The following WDR33 variants were observed in gnomAD, a reference collection of about 807,000 sequenced individuals.
WDR33 encodes WD repeat domain 33.
WDR33 carries 47 observed loss-of-function variants against 164.9 expected under a neutral mutation model. That is an observed-to-expected ratio of 0.29 (90% confidence interval 0.23 to 0.36). The LOEUF (loss-of-function observed/expected upper bound fraction) is 0.36, where lower values mean the gene tolerates loss of function less well. WDR33 is among the 10% of genes least tolerant of loss of function. The pLI is 1.00. For missense variants in WDR33, 1,137 were observed against 1,754.1 expected (o/e 0.65, Z 6.28); for synonymous variants, 505 against 589.0 (o/e 0.86, Z 2.06).
In WDR33 at chr2:127,738,123, G is replaced by A. The variant is rs1686908440; in HGVS notation, c.725-11346C>T. 1 of 1,425,422 alleles carries A rather than the reference G, an allele frequency of 7.0e-7. No individual in the cohort carries two copies. Among genetic ancestry groups the A allele is most frequent in the African/African-American group, 1.5e-5 (1 of 67,682 alleles). The allele number at this position is 1,425,422 out of a possible 1,614,324, so 88.3% of individuals were successfully genotyped here. On this transcript the variant is annotated intron_variant, in intron 7 of 21. Coordinates refer to ENST00000322313, the MANE Select transcript of WDR33 (RefSeq NM_018383.5). The surrounding 1 kb of genome is among the most constrained non-coding windows in gnomAD (Gnocchi z 4.4). Reference sequence around the variant, plus strand: ...GGCAGGTATCTATCACATGAGCCCTGGCAGATTGTGTAATTTCCAGATATG... The same window carrying A: ...GGCAGGTATCTATCACATGAGCCCTAGCAGATTGTGTAATTTCCAGATATG...
At chr2:127,780,260 A>G (rs1363267446) in intron 1 of WDR33, among the ~76,000 whole-genome samples, 1 of 152,196 alleles carries the variant, frequency 6.6e-6, no homozygotes, top group African/African-American at 2.4e-5. Flanking sequence ...AAAAGTTTTA[A>G]GATTCCCACC....
intron 1 of WDR33, chr2:127,810,787 T>G (rs1689623143): frequency 1.7e-5 from 2 of 115,452 alleles, no homozygotes; most frequent in African/African-American, 8.3e-5. Flanking sequence ...GGGCCTTAGT[T>G]CTAACCATGG....
intron 18 of WDR33, among the ~76,000 whole-genome samples, chr2:127,711,780 A>ATATATATATATATTTT: frequency 7.9e-5 from 7 of 88,306 alleles, no homozygotes; most frequent in Admixed American, 2.3e-4. Flanking sequence ...ATATATATAT[A>ATATATATATATATTTT]TTTTTTTTTT....
At position 127,724,828 on chromosome 2, in the gene WDR33, C is replaced by CA. The variant is rs1350182589; in HGVS notation, c.1085+58dup. 6.4e-7 allele frequency: 1 copy of CA among 1,555,568 alleles called. No homozygotes were observed. Among genetic ancestry groups the CA allele is most frequent in the Non-Finnish European group, 8.9e-7 (1 of 1,127,058 alleles). ...AAAAGCTACAAAACTATCATGTCTG[C>CA]ACACATTCACGTGCTCTCTTCACAA... On this transcript the variant is annotated intron_variant, in intron 10 of 21. Transcript: ENST00000322313. The surrounding 1 kb of genome is among the most constrained non-coding windows in gnomAD (Gnocchi z 4.8).
intron 7 of WDR33, among the ~76,000 whole-genome samples, chr2:127,757,728 C>T (rs72846264): frequency 0.065 from 9,868 of 152,198 alleles, 442 homozygotes; most frequent in Middle Eastern, 0.16. Flanking sequence ...GGTTTATTAT[C>T]ATAAACTACA....
chr2:127,736,969 G>A (rs1686863554), intron 7 of WDR33: 1 of 985,136 alleles, frequency 1.0e-6, no homozygotes, highest in Non-Finnish European at 1.2e-6. Flanking sequence ...ATAACAATTT[G>A]AAAAGGTACA....
chr2:127,802,665 T>C (rs867844161), intron 1 of WDR33, among the ~76,000 whole-genome samples: 2 of 152,254 alleles, frequency 1.3e-5, no homozygotes, highest in African/African-American at 4.8e-5. Flanking sequence ...TTTTAAACCA[T>C]GTAAATAACG....
In WDR33 at chr2:127,711,780, A is replaced by ATATTTTTTTTTTTTT; in HGVS notation, c.3308+1802_3308+1803insAAAAAAAAAAAAATA. Among the ~76,000 whole-genome samples the ATATTTTTTTTTTTTT allele has an allele frequency of 7.9e-5, 7 of 88,302 alleles. No individual in the cohort carries two copies. In the South Asian group the frequency reaches 2.3e-3, roughly 29 times the overall value. 57.9% of individuals were successfully genotyped at this position (88,302 alleles called of 152,430 possible). A position where few individuals can be genotyped will look rare whatever the true frequency, so the allele number is the denominator to read the frequency against. On this transcript the variant is annotated intron_variant, in intron 18 of 21. Transcript: ENST00000322313. ...TATATATATATATATATATATATAT[A>ATATTTTTTTTTTTTT]TTTTTTTTTTGAGACAGAGTCTCGC...
intron 1 of WDR33, among the ~76,000 whole-genome samples, chr2:127,791,673 C>T (rs1363335139): frequency 6.6e-6 from 1 of 152,080 alleles, no homozygotes; most frequent in African/African-American, 2.4e-5. Flanking sequence ...TAAGGGAATA[C>T]GACTCAATCC....
At position 127,709,670 on chromosome 2, in the gene WDR33, G is replaced by A; in HGVS notation, c.3472+23C>T. 1.2e-6 allele frequency: 2 copies of A among 1,614,156 alleles called. No homozygotes were observed. Among genetic ancestry groups the A allele is most frequent in the Non-Finnish European group, 1.7e-6 (2 of 1,180,012 alleles). On this transcript the variant is annotated intron_variant, in intron 19 of 21. Transcript: ENST00000322313. The surrounding 1 kb of genome is among the most constrained non-coding windows in gnomAD (Gnocchi z 5.0). Reference sequence around the variant, plus strand: ...TTCTGCACCCTATCCTTCCAGACCAGGTGTCTTTAGTAACTCGCTCACCTC... The same window carrying A: ...TTCTGCACCCTATCCTTCCAGACCAAGTGTCTTTAGTAACTCGCTCACCTC...
At position 127,741,280 on chromosome 2, in the gene WDR33, T is replaced by C. The variant is rs1643025771; in HGVS notation, c.725-14503A>G. Among the ~76,000 whole-genome samples the C allele has an allele frequency of 6.6e-6, 1 of 150,870 alleles. No homozygotes were observed. On this transcript the variant is annotated intron_variant, in intron 7 of 21. Transcript: ENST00000322313. This position sits in a 1 kb window ranked among gnomAD's most constrained non-coding sequence, Gnocchi z 4.1. ...GAAATGCCACGGATGACACTGAAAA[T>C]GGAAAGAAGTGGAGGGCAAAGAGAG...
At chr2:127,783,352 A>G (rs929349698) in intron 1 of WDR33, among the ~76,000 whole-genome samples, 1 of 152,214 alleles carries the variant, frequency 6.6e-6, no homozygotes, top group African/African-American at 2.4e-5. Context: ...CAGTATTTCA[A>G]AAGTGTGATA....
chr2:127,775,163 A>G (rs991040025), intron 1 of WDR33, among the ~76,000 whole-genome samples: 2 of 152,154 alleles, frequency 1.3e-5, no homozygotes, highest in African/African-American at 4.8e-5. Context: ...TATCTCAATT[A>G]AAGAATAATG....
rs918863928 is a variant in WDR33 at position 127,701,808 on chromosome 2, G to A, written c.*4515C>T. On this transcript the variant is annotated 3_prime_UTR_variant, in exon 22 of 22. Transcript: ENST00000322313. ...GCTGGCTGCACTGTGTTTCGGCCTA[G>A]CCGCGCTCTACGCACCGGTGTTGCT... The A allele has an allele frequency of 6.2e-6, 9 of 1,456,608 alleles. No individual in the cohort carries two copies. In the African/African-American group the frequency reaches 8.9e-5, roughly 14 times the overall value. The allele number at this position is 1,456,608 out of a possible 1,614,324, so 90.2% of individuals were successfully genotyped here.
At chr2:127,736,887 A>G in intron 7 of WDR33, 1 of 985,416 alleles carries the variant, frequency 1.0e-6, no homozygotes, top group African/African-American at 1.7e-5. Context: ...CACAATTTCC[A>G]TTTGAGTCAA....
Position 127,810,654 on chromosome 2 carries a change from CT to C in WDR33, c.-24+357del, listed in dbSNP as rs560260061. ...TTCCCTTGACCCTTTCAACCAACTA[CT>C]TCAACTCGGCCCACTTCTTTCCACT... On this transcript the variant is annotated intron_variant, in intron 1 of 21. Coordinates refer to ENST00000322313, the MANE Select transcript of WDR33 (RefSeq NM_018383.5). The C allele has an allele frequency of 4.9e-3, 751 of 152,430 alleles. 9 individuals carry two copies. The highest frequency in any genetic ancestry group is 0.017 in the African/African-American group (723 of 41,588). The allele number at this position is 152,430 out of a possible 1,614,324, so 9.4% of individuals were successfully genotyped here.
rs959245891 is a variant in WDR33, at chr2:127,708,872, G to A, written c.3586C>T (p.Arg1196Cys). ...REPGPGHEHF[R>C]DTPRPDHPPH... ...GGATGATCAGGGCGGGGAGTATCAC[G>A]AAAATGTTCATGACCTGGCCCTGAA... The change falls in exon 21 of 22, where the codon CGT becomes TGT. Residue 1196 changes from arginine (R) to cysteine (C), a missense_variant. By Grantham distance (180) the Arg-to-Cys change is radical. Transcript: ENST00000322313. The surrounding 1 kb of genome is among the most constrained non-coding windows in gnomAD (Gnocchi z 6.7). 2 of 1,577,704 alleles carry A rather than the reference G, an allele frequency of 1.3e-6. No individual in the cohort carries two copies. The highest frequency in any genetic ancestry group is 2.3e-5 in the East Asian group (1 of 44,224).
At chr2:127,746,801 A>C (rs751151217) in intron 7 of WDR33, among the ~76,000 whole-genome samples, 1 of 152,260 alleles carries the variant, frequency 6.6e-6, no homozygotes, top group Admixed American at 6.5e-5. Context: ...TAACCACTGT[A>C]AACAGTAATT....
At chr2:127,759,982 C>T (rs1158610961) in intron 7 of WDR33, among the ~76,000 whole-genome samples, 1 of 152,186 alleles carries the variant, frequency 6.6e-6, no homozygotes, top group Non-Finnish European at 1.5e-5. Context: ...GAAGACCCAA[C>T]AGCTGTCTCT....
Sources: gnomAD v4.1 joint callset for allele counts (sites outside exome capture counted in the v4.1 genomes callset) on GRCh38, gnomAD v4.1.1 for gene constraint, Gnocchi (gnomAD v3.1) non-coding constraint, MANE v1.5 for transcripts, NCBI Gene and HGNC (gene_info 2026-07-23, HGNC 2026-07-21) for gene names.